TPRG1: variants seen among roughly 807,000 people sequenced by gnomAD.
TPRG1 encodes the protein tumor protein p63 regulated 1.
In TPRG1, 29 loss-of-function variants were observed where a neutral mutation model predicts 29.3. The observed-to-expected ratio is 0.99, with a 90% CI of 0.74 to 1.35. TPRG1 has a LOEUF of 1.35. Ranked by LOEUF, TPRG1 falls within the 40% of genes most tolerant of loss-of-function variation. The pLI is 0.00. For synonymous variants in TPRG1, 130 were observed against 116.8 expected (o/e 1.11, Z -0.73); for missense variants, 327 against 335.0 (o/e 0.98, Z 0.19).
At chr3:189,250,504 G>GGCCCCCC (rs1742007564) in intron 4 of TPRG1, among the ~76,000 whole-genome samples, 1 of 23,590 alleles carries the variant, frequency 4.2e-5, no homozygotes, top group Non-Finnish European at 8.5e-5. Flanking sequence ...TCTGATTTCC[G>GGCCCCCC]CCCCCCCCCC....
chr3:189,022,806 G>A (rs1332661994), intron 3 of TPRG1, among the ~76,000 whole-genome samples: 2 of 152,230 alleles, frequency 1.3e-5, no homozygotes, highest in East Asian at 1.9e-4. Flanking sequence ...CCGGGGCAAT[G>A]GCGGGCGCCC....
At chr3:189,119,129 G>A (rs1012856169) in intron 1 of TPRG1, among the ~76,000 whole-genome samples, 2 of 152,236 alleles carry the variant, frequency 1.3e-5, no homozygotes, top group Non-Finnish European at 2.9e-5. Context: ...ACCACCTTTT[G>A]TATCAGTGTG....
At chr3:189,253,208 C>A (rs529491089) in intron 4 of TPRG1, among the ~76,000 whole-genome samples, 1 of 152,264 alleles carries the variant, frequency 6.6e-6, no homozygotes, top group South Asian at 2.1e-4. Flanking sequence ...CCCTCACCCC[C>A]CAACTGGCCC....
At chr3:189,214,399 G>A (rs771411780) in intron 2 of TPRG1, among the ~76,000 whole-genome samples, 41 of 152,208 alleles carry the variant, frequency 2.7e-4, no homozygotes, top group Non-Finnish European at 5.3e-4. Context: ...GGGACTGGAA[G>A]AGTCAGACTG....
intron 1 of TPRG1, among the ~76,000 whole-genome samples, chr3:189,186,946 T>C (rs1428930845): frequency 6.6e-6 from 1 of 151,704 alleles, no homozygotes; most frequent in Admixed American, 6.6e-5. Flanking sequence ...AATCCTATCA[T>C]ATTTTCTAGG....
chr3:189,115,302 T>C (rs1721038057), intron 1 of TPRG1, among the ~76,000 whole-genome samples: 1 of 152,318 alleles, frequency 6.6e-6, no homozygotes, highest in African/African-American at 2.4e-5. Context: ...CTTCAACATA[T>C]TGGCGCATGG....
intron 3 of TPRG1, among the ~76,000 whole-genome samples, chr3:189,012,602 T>A (rs1712662308): frequency 6.6e-6 from 1 of 152,192 alleles, no homozygotes; most frequent in African/African-American, 2.4e-5. Context: ...CTGGTATAAT[T>A]CAGCTGTGAA....
At chr3:189,035,871 G>A (rs1340540865) in intron 4 of TPRG1, among the ~76,000 whole-genome samples, 10 of 152,038 alleles carry the variant, frequency 6.6e-5, no homozygotes, top group Middle Eastern at 3.2e-3. Context: ...GAGATTTCTC[G>A]AAGAACTTAA....
At chr3:189,240,409 A>G (rs1026263696) in intron 4 of TPRG1, 2 of 152,188 alleles carry the variant, frequency 1.3e-5, no homozygotes, top group Non-Finnish European at 2.9e-5. Flanking sequence ...AAGAATAAAA[A>G]GTTCTGTATT....
At chr3:189,135,782 CCT>C (rs1225942041) in intron 3 of TPRG1, among the ~76,000 whole-genome samples, 1 of 152,092 alleles carries the variant, frequency 6.6e-6, no homozygotes, top group Non-Finnish European at 1.5e-5. Context: ...CAGTGTAGTC[CCT>C]GTCATTGTCA....
chr3:189,110,696 A>C (rs1720405014), intron 1 of TPRG1, among the ~76,000 whole-genome samples: 1 of 151,992 alleles, frequency 6.6e-6, no homozygotes, highest in South Asian at 2.1e-4. Flanking sequence ...AAAGTTTGAT[A>C]ATTCTAGGTT....
intron 1 of TPRG1, among the ~76,000 whole-genome samples, chr3:189,180,796 G>A (rs924309450): frequency 2.6e-5 from 4 of 152,174 alleles, no homozygotes; most frequent in Non-Finnish European, 5.9e-5. Flanking sequence ...GCTCCACTAG[G>A]TGGTGCCCCA....
At chr3:189,114,727 T>C (rs1330507734) in intron 1 of TPRG1, among the ~76,000 whole-genome samples, 3 of 152,306 alleles carry the variant, frequency 2.0e-5, no homozygotes. Context: ...TGGAGCCCAG[T>C]ATCCCATTTC....
intron 1 of TPRG1, among the ~76,000 whole-genome samples, chr3:189,196,258 T>G (rs1732516165): frequency 6.6e-6 from 1 of 152,238 alleles, no homozygotes; most frequent in South Asian, 2.1e-4. Context: ...TGTTGGATTT[T>G]ATCATGTGAA....
intron 1 of TPRG1, chr3:189,207,076 G>A: frequency 3.1e-6 from 2 of 637,040 alleles, no homozygotes; most frequent in Non-Finnish European, 3.9e-6. Context: ...GAAATTGTCT[G>A]GTAATTATTT....
chr3:189,133,647 CTG>C (rs1314114527), intron 3 of TPRG1, among the ~76,000 whole-genome samples: 2 of 152,200 alleles, frequency 1.3e-5, no homozygotes, highest in Admixed American at 6.5e-5. Flanking sequence ...CCTTGTGGAA[CTG>C]TGAGTCAATT....
At chr3:189,110,295 G>A (rs768844692) in intron 1 of TPRG1, among the ~76,000 whole-genome samples, 20 of 152,128 alleles carry the variant, frequency 1.3e-4, no homozygotes, top group Non-Finnish European at 2.6e-4. Flanking sequence ...TATGTTAAGT[G>A]CATAACAGTA....
intron 4 of TPRG1, among the ~76,000 whole-genome samples, chr3:189,050,538 T>C (rs1715251179): frequency 6.6e-6 from 1 of 152,134 alleles, no homozygotes; most frequent in Non-Finnish European, 1.5e-5. Flanking sequence ...TTTGACACTA[T>C]TCCACAAGAT....
At chr3:189,018,276 T>A (rs1196439153) in intron 3 of TPRG1, among the ~76,000 whole-genome samples, 1 of 147,592 alleles carries the variant, frequency 6.8e-6, no homozygotes, top group Non-Finnish European at 1.5e-5. Flanking sequence ...TGCCATTGCT[T>A]TTGGTGTTTT....
Sources: gnomAD v4.1 joint callset for allele counts (sites outside exome capture counted in the v4.1 genomes callset) on GRCh38, gnomAD v4.1.1 for gene constraint, MANE v1.5 for transcripts, NCBI Gene and HGNC (gene_info 2026-07-23, HGNC 2026-07-21) for gene names.